Variants in SORCS1 observed in about 807,000 individuals in gnomAD.
SORCS1 encodes the protein sortilin related VPS10 domain containing receptor 1, also known as VPS10 domain-containing receptor SorCS1.
In SORCS1, 60 loss-of-function variants were observed where a neutral mutation model predicts 146.1. That is an observed-to-expected ratio of 0.41 (90% CI 0.33 to 0.51). SORCS1 has a LOEUF of 0.51. Ranked by LOEUF, SORCS1 falls within the 20% of genes least tolerant of loss-of-function variation. SORCS1 has a pLI of 0.21. For synonymous variants in SORCS1, 637 were observed against 584.0 expected (o/e 1.09, Z -1.31); for missense variants, 1,352 against 1,487.6 (o/e 0.91, Z 1.50).
At position 107,093,135 on chromosome 10, in the gene SORCS1, C is replaced by T. The variant is rs375969231; in HGVS notation, c.558+70834G>A. 8.6e-4 allele frequency among the ~76,000 whole-genome samples: 131 copies of T among 152,240 alleles called. 1 individual carries two copies. Among genetic ancestry groups the T allele is most frequent in the African/African-American group, 2.9e-3 (120 of 41,538 alleles). ...CTCAAACTACAATTTGAACTCAAGC[C>T]GCCTGACTGCAGAGCCATGATTTTT... is the stretch of plus-strand genomic sequence containing the variant. On this transcript the variant is annotated intron_variant, in intron 1 of 25. Coordinates refer to ENST00000263054, the MANE Select transcript of SORCS1 (RefSeq NM_052918.5).
At chr10:106,803,381 A>G (rs933358791) in intron 3 of SORCS1, among the ~76,000 whole-genome samples, 4 of 152,222 alleles carry the variant, frequency 2.6e-5, no homozygotes, top group Admixed American at 2.0e-4. Flanking sequence ...GACCACACTT[A>G]TAAGAGTATT....
At chr10:106,995,905 A>G (rs1411379266) in intron 1 of SORCS1, among the ~76,000 whole-genome samples, 1 of 152,190 alleles carries the variant, frequency 6.6e-6, no homozygotes, top group Admixed American at 6.5e-5. Context: ...GGAGAAGTTC[A>G]AAAAGCACCA....
intron 3 of SORCS1, among the ~76,000 whole-genome samples, chr10:106,815,682 T>C (rs1289133742): frequency 6.6e-6 from 1 of 152,230 alleles, no homozygotes; most frequent in African/African-American, 2.4e-5. Context: ...TGAGATGCTA[T>C]GGCTCTCGGG....
intron 3 of SORCS1, among the ~76,000 whole-genome samples, chr10:106,820,805 TGA>T (rs1384017583): frequency 2.0e-5 from 3 of 152,166 alleles, no homozygotes; most frequent in Admixed American, 2.0e-4. Flanking sequence ...CGGAAACCCC[TGA>T]GAAACCACAG....
At chr10:106,629,988 T>C (rs1365233601) in intron 18 of SORCS1, among the ~76,000 whole-genome samples, 1 of 152,180 alleles carries the variant, frequency 6.6e-6, no homozygotes, top group Non-Finnish European at 1.5e-5. Context: ...GAGGTTGCAG[T>C]GTGCCAAGAT....
At chr10:106,982,165 C>A (rs1956269362) in intron 1 of SORCS1, among the ~76,000 whole-genome samples, 1 of 152,076 alleles carries the variant, frequency 6.6e-6, no homozygotes, top group Non-Finnish European at 1.5e-5. Context: ...TGAATTAGAT[C>A]CTTTAACCAC....
intron 23 of SORCS1, among the ~76,000 whole-genome samples, chr10:106,604,087 T>C (rs1179502639): frequency 2.0e-5 from 3 of 152,178 alleles, no homozygotes; most frequent in African/African-American, 7.2e-5. Context: ...TGGGGATGCC[T>C]GTGGCCATTC....
chr10:106,671,164 T>C, intron 16 of SORCS1, 73 bp downstream of exon 16: 1 of 1,593,380 alleles, frequency 6.3e-7, no homozygotes, highest in Middle Eastern at 1.7e-4. Context: ...ATTATTTCAA[T>C]TCTAAGCTTT....
chr10:106,995,096 A>G (rs924069685), intron 1 of SORCS1, among the ~76,000 whole-genome samples: 1 of 152,092 alleles, frequency 6.6e-6, no homozygotes, highest in Admixed American at 6.5e-5. Context: ...GTGGATCACG[A>G]GGTCAGGAGA....
chr10:107,011,765 G>A (rs899717316), intron 1 of SORCS1, among the ~76,000 whole-genome samples: 2 of 152,124 alleles, frequency 1.3e-5, no homozygotes, highest in African/African-American at 4.8e-5. Flanking sequence ...GCCATTTGCT[G>A]TATATGGGGG....
At chr10:106,912,493 T>C (rs1572457) in intron 2 of SORCS1, among the ~76,000 whole-genome samples, 134,905 of 152,118 alleles carry the variant, frequency 0.89, 61,201 homozygotes, top group Non-Finnish European at 0.99. Context: ...TCAATAGGTA[T>C]CCCAGAGCAC....
intron 1 of SORCS1, among the ~76,000 whole-genome samples, chr10:107,018,600 GCTTTT>G (rs1049778136): frequency 2.6e-5 from 4 of 151,760 alleles, no homozygotes; most frequent in Admixed American, 2.6e-4. Context: ...AAGCTTGTAT[GCTTTT>G]CTTTTGTTAA....
chr10:107,101,566 C>T (rs1216599374), intron 1 of SORCS1, among the ~76,000 whole-genome samples: 1 of 152,116 alleles, frequency 6.6e-6, no homozygotes, highest in East Asian at 1.9e-4. Context: ...CCTAGACAGC[C>T]CTCCCTCCTG....
At chr10:106,917,223 A>T (rs1404628080) in intron 2 of SORCS1, among the ~76,000 whole-genome samples, 1 of 152,100 alleles carries the variant, frequency 6.6e-6, no homozygotes, top group African/African-American at 2.4e-5. Context: ...ATATACAGCA[A>T]ATTTTGAGTT....
chr10:106,779,883 C>T (rs1860759929), intron 3 of SORCS1, among the ~76,000 whole-genome samples: 1 of 152,096 alleles, frequency 6.6e-6, no homozygotes, highest in African/African-American at 2.4e-5. Context: ...TCACAACCTT[C>T]AAATTAATTA....
intron 18 of SORCS1, among the ~76,000 whole-genome samples, chr10:106,637,544 A>T (rs1202929568): frequency 6.6e-6 from 1 of 152,222 alleles, no homozygotes. Context: ...AGCAAAACCT[A>T]CAGTGAACTT....
intron 2 of SORCS1, among the ~76,000 whole-genome samples, chr10:106,902,776 G>C (rs1311570347): frequency 6.6e-6 from 1 of 152,186 alleles, no homozygotes. Flanking sequence ...CAAGACACCA[G>C]GGATTAAATT....
intron 2 of SORCS1, among the ~76,000 whole-genome samples, chr10:106,941,588 T>C (rs774828380): frequency 6.6e-6 from 1 of 152,128 alleles, no homozygotes; most frequent in Non-Finnish European, 1.5e-5. Flanking sequence ...CTTCCTTTAT[T>C]GAGAATTTTA....
At chr10:106,758,967 G>C (rs1858872644) in intron 5 of SORCS1, among the ~76,000 whole-genome samples, 1 of 152,178 alleles carries the variant, frequency 6.6e-6, no homozygotes, top group Admixed American at 6.5e-5. Context: ...CCATATAGAA[G>C]TCCCTGTGTT....
Sources: gnomAD v4.1 joint callset for allele counts (sites outside exome capture counted in the v4.1 genomes callset) on GRCh38, gnomAD v4.1.1 for gene constraint, MANE v1.5 for transcripts, NCBI Gene and HGNC (gene_info 2026-07-23, HGNC 2026-07-21) for gene names.